The following GK variants were observed in gnomAD, a reference collection of about 807,000 sequenced individuals.
GK encodes the protein ATP:glycerol 3-phosphotransferase.
In GK, 9 loss-of-function variants were observed where a neutral mutation model predicts 56.4. That is an observed-to-expected ratio of 0.16 (90% CI 0.10 to 0.28). The LOEUF is 0.28. GK is among the 10% of genes least tolerant of loss of function. The pLI is 1.00. For synonymous variants in GK, 104 were observed against 144.1 expected (o/e 0.72, Z 1.99); for missense variants, 161 against 431.4 (o/e 0.37, Z 5.55).
At chrX:30,662,905 G>A (rs939190442) in intron 1 of GK, among the ~76,000 whole-genome samples, 6 of 75,858 alleles carry the variant, frequency 7.9e-5, no homozygotes, top group African/African-American at 2.0e-4. Flanking sequence ...TCTTTCTTTC[G>A]TAGTTTCGCT....
At chrX:30,699,473 T>C (rs1203851345) in intron 9 of GK, among the ~76,000 whole-genome samples, 4 of 105,360 alleles carry the variant, frequency 3.8e-5, no homozygotes, top group African/African-American at 1.4e-4. Flanking sequence ...CAAGTGATTC[T>C]TCCACCTCAG....
intron 8 of GK, 141 bp from the exon 9 acceptor site, chrX:30,697,591 C>T: frequency 5.8e-6 from 3 of 520,886 alleles, no homozygotes; most frequent in Non-Finnish European, 6.9e-6. Context: ...TGCAAACTGA[C>T]TTGGGTCAAG....
intron 13 of GK, among the ~76,000 whole-genome samples, chrX:30,712,422 T>G (rs1936367833): frequency 1.8e-5 from 2 of 111,656 alleles, no homozygotes; most frequent in Admixed American, 9.5e-5. Context: ...TATGGGGGAA[T>G]GCTAGTTTAC....
At chrX:30,684,095 T>C (rs182033972) in intron 4 of GK, among the ~76,000 whole-genome samples, 35 of 112,330 alleles carry the variant, frequency 3.1e-4, no homozygotes, top group African/African-American at 1.1e-3. Flanking sequence ...AGCCACAGAC[T>C]AAACTGACCA....
Position 30,723,516 on chromosome X carries a change from A to G in GK, c.1502-585A>G, listed in dbSNP as rs1237633577. On this transcript the variant is annotated intron_variant, in intron 18 of 20. Transcript: ENST00000427190. The stretch of plus-strand genomic sequence containing the variant: ...CAGATCAAATGGGATTCCCCTTTCT[A>G]ATTCATTACCACTTGTTTGTGAGTG... Among the ~76,000 whole-genome samples the G allele has an allele frequency of 2.7e-5, 3 of 111,873 alleles. 1 individual carries two copies. Among genetic ancestry groups the G allele is most frequent in the Non-Finnish European group, 5.7e-5 (3 of 53,093 alleles).
intron 18 of GK, among the ~76,000 whole-genome samples, chrX:30,722,340 T>A (rs1034716812): frequency 1.8e-5 from 2 of 112,454 alleles, no homozygotes; most frequent in Non-Finnish European, 3.8e-5. Flanking sequence ...GTTCAAAAAA[T>A]TTTTCTACTT....
At chrX:30,709,433 T>C (rs1345131591) in intron 13 of GK, among the ~76,000 whole-genome samples, 4 of 111,856 alleles carry the variant, frequency 3.6e-5, no homozygotes, top group Non-Finnish European at 7.5e-5. Flanking sequence ...CCTGCATTGG[T>C]TGTCAAAAGT....
chrX:30,692,386 C>A (rs1284539056), intron 5 of GK, among the ~76,000 whole-genome samples: 1 of 111,888 alleles, frequency 8.9e-6, no homozygotes, highest in African/African-American at 3.3e-5. Flanking sequence ...ATATTATGTA[C>A]TACCTCGCTA....
chrX:30,675,362 A>AT (rs1221336154), intron 3 of GK, among the ~76,000 whole-genome samples: 4 of 105,858 alleles, frequency 3.8e-5, no homozygotes, highest in Non-Finnish European at 7.8e-5. Context: ...CACCCGGCTA[A>AT]TTTTTTTTGT....
intron 4 of GK, chrX:30,687,490 C>T (rs1486584791): frequency 5.9e-6 from 2 of 339,714 alleles, no homozygotes; most frequent in Admixed American, 6.3e-5. Context: ...TTGAACCTGG[C>T]CATCTCTAGC....
At chrX:30,662,807 CCT>C (rs755502431) in intron 1 of GK, among the ~76,000 whole-genome samples, 88 of 75,975 alleles carry the variant, frequency 1.2e-3, no homozygotes, top group African/African-American at 2.9e-3. Flanking sequence ...TTCCTTCCTT[CCT>C]TCTCTCTCTC....
chrX:30,699,242 A>T, intron 9 of GK, among the ~76,000 whole-genome samples: 1 of 98,615 alleles, frequency 1.0e-5, no homozygotes. Flanking sequence ...GTTATGTATA[A>T]CATGTTATAT....
chrX:30,684,966 C>T (rs150926194), intron 4 of GK, among the ~76,000 whole-genome samples: 477 of 111,328 alleles, frequency 4.3e-3, no homozygotes, highest in African/African-American at 0.015. Flanking sequence ...AATTATTAAA[C>T]CTATGTGATC....
intron 4 of GK, among the ~76,000 whole-genome samples, chrX:30,688,863 GA>G (rs1381577352): frequency 8.9e-6 from 1 of 111,986 alleles, no homozygotes; most frequent in African/African-American, 3.2e-5. Context: ...ATTAAAATAT[GA>G]AAAAACACGG....
intron 3 of GK, among the ~76,000 whole-genome samples, chrX:30,671,400 GC>G (rs1249719003): frequency 1.8e-5 from 2 of 110,392 alleles, no homozygotes; most frequent in African/African-American, 6.6e-5. Flanking sequence ...AGGTTATGTA[GC>G]TTTTTAGTGG....
At chrX:30,727,702 C>G (rs1937199230) in intron 20 of GK, 150 bp downstream of exon 20, 2 of 447,254 alleles carry the variant, frequency 4.5e-6, no homozygotes, top group Non-Finnish European at 7.8e-6. Flanking sequence ...ACCAATTAAT[C>G]TTTGGGGGCA....
At chrX:30,718,669 T>C in intron 14 of GK, 53 bp downstream of exon 14, 1 of 730,525 alleles carries the variant, frequency 1.4e-6, no homozygotes, top group South Asian at 2.1e-5. Context: ...CACATTTCAG[T>C]ATTTTATCTC....
chrX:30,662,890 T>G (rs1340850710), intron 1 of GK, among the ~76,000 whole-genome samples: 1 of 94,102 alleles, frequency 1.1e-5, no homozygotes, highest in Admixed American at 1.3e-4. Context: ...TTTCTTTCTT[T>G]CTTTTCTTTC....
intron 1 of GK, among the ~76,000 whole-genome samples, chrX:30,654,223 C>T (rs1216442295): frequency 1.8e-5 from 2 of 112,452 alleles, no homozygotes; most frequent in Non-Finnish European, 3.8e-5. Context: ...TCCGAAGACT[C>T]GCAAATTTCA....
Sources: allele counts gnomAD v4.1 joint callset (sites outside exome capture counted in the v4.1 genomes callset), GRCh38; gene constraint gnomAD v4.1.1; transcripts MANE v1.5; gene names NCBI Gene and HGNC (gene_info 2026-07-23, HGNC 2026-07-21).